CTNNA2: variants seen among roughly 807,000 people sequenced by gnomAD.
CTNNA2 encodes the protein catenin alpha 2.
A neutral mutation model predicts 101.0 loss-of-function variants in CTNNA2; 42 were observed. The observed-to-expected ratio is 0.42, with a 90% confidence interval of 0.32 to 0.54. The LOEUF is 0.54. Ranked by LOEUF, CTNNA2 falls within the 20% of genes least tolerant of loss-of-function variation. CTNNA2 has a pLI of 0.14. For synonymous variants in CTNNA2, 450 were observed against 456.4 expected, an observed-to-expected ratio of 0.99 and a Z score of 0.18; for missense variants, 871 against 1,223.1, an observed-to-expected ratio of 0.71 and a Z score of 4.29.
chr2:80,551,155 T>G (rs1249950873), intron 11 of CTNNA2, among the ~76,000 whole-genome samples: 2 of 152,224 alleles, frequency 1.3e-5, no homozygotes, highest in African/African-American at 4.8e-5. Context: ...AATAACATTT[T>G]GAAAAGAATT....
chr2:79,857,534 A>G (rs1210504920), intron 3 of CTNNA2, among the ~76,000 whole-genome samples: 2 of 152,322 alleles, frequency 1.3e-5, no homozygotes, highest in African/African-American at 4.8e-5. Flanking sequence ...GGGTGCCTCT[A>G]TGATGTGTTC....
chr2:79,614,957 T>G (rs899769785), intron 1 of CTNNA2, among the ~76,000 whole-genome samples: 5 of 152,182 alleles, frequency 3.3e-5, no homozygotes, highest in African/African-American at 1.2e-4. Flanking sequence ...TTCAGGGAAT[T>G]TCAAGGTTTC....
At chr2:80,455,853 T>C (rs943564430) in intron 9 of CTNNA2, among the ~76,000 whole-genome samples, 21 of 152,158 alleles carry the variant, frequency 1.4e-4, no homozygotes, top group African/African-American at 4.8e-4. Context: ...ATAATTTTGT[T>C]CTCAGTGCAC....
rs528912392 is a variant in CTNNA2 at position 79,917,999 on chromosome 2, G to A, written c.1056+8202G>A. Reference sequence around the variant, plus strand: ...ATGGCAGGTCTTCTTGGGCCTTAATGTGCCCAAGGTATGGGATGATTATTC... The same window carrying A: ...ATGGCAGGTCTTCTTGGGCCTTAATATGCCCAAGGTATGGGATGATTATTC... On this transcript the variant is annotated intron_variant, in intron 7 of 18. Coordinates refer to ENST00000402739, the MANE Select transcript of CTNNA2 (RefSeq NM_001282597.3). Among the ~76,000 whole-genome samples the A allele has an allele frequency of 5.9e-5, 9 of 152,284 alleles. No homozygotes were observed. In the East Asian group the frequency reaches 1.7e-3, roughly 29 times the overall value.
chr2:79,477,702 T>C (rs1472466998), intron 4 of CTNNA2, among the ~76,000 whole-genome samples: 2 of 152,188 alleles, frequency 1.3e-5, no homozygotes, highest in African/African-American at 4.8e-5. Context: ...TTACAACCCC[T>C]TCTAGAGTTA....
intron 7 of CTNNA2, among the ~76,000 whole-genome samples, chr2:80,379,297 C>G (rs753468233): frequency 3.3e-5 from 5 of 152,082 alleles, no homozygotes; most frequent in Non-Finnish European, 7.4e-5. Flanking sequence ...CTCAGCTAAC[C>G]TTATTTGATG....
intron 11 of CTNNA2, among the ~76,000 whole-genome samples, chr2:80,551,879 T>C (rs1447873183): frequency 1.3e-5 from 2 of 152,196 alleles, no homozygotes; most frequent in African/African-American, 4.8e-5. Context: ...TCTTGACTTG[T>C]GACATGTCTT....
intron 1 of CTNNA2, among the ~76,000 whole-genome samples, chr2:79,595,459 T>A (rs1353834484): frequency 2.6e-5 from 4 of 152,180 alleles, no homozygotes; most frequent in African/African-American, 9.7e-5. Flanking sequence ...ATTCAGTACA[T>A]CTAAAATTAA....
intron 7 of CTNNA2, among the ~76,000 whole-genome samples, chr2:80,239,926 A>G (rs1273269207): frequency 6.6e-6 from 1 of 152,098 alleles, no homozygotes; most frequent in Non-Finnish European, 1.5e-5. Flanking sequence ...AAAAAAAACA[A>G]AAAACAAAAC....
At chr2:79,424,999 G>A (rs1162109632) in intron 4 of CTNNA2, among the ~76,000 whole-genome samples, 2 of 152,186 alleles carry the variant, frequency 1.3e-5, no homozygotes, top group East Asian at 3.9e-4. Context: ...AACACAATGG[G>A]CAGCTGGTAG....
chr2:80,390,782 A>C (rs773313631), intron 7 of CTNNA2, among the ~76,000 whole-genome samples: 1 of 152,122 alleles, frequency 6.6e-6, no homozygotes, highest in Non-Finnish European at 1.5e-5. Flanking sequence ...TCTTTATTTA[A>C]ATTTTTGATA....
chr2:79,967,789 T>A (rs1690179825), intron 7 of CTNNA2, among the ~76,000 whole-genome samples: 2 of 152,200 alleles, frequency 1.3e-5, no homozygotes, highest in Admixed American at 6.5e-5. Context: ...CACAGTGTTG[T>A]TCACAATAGC....
At chr2:79,954,103 C>G (rs1345758729) in intron 7 of CTNNA2, among the ~76,000 whole-genome samples, 1 of 152,104 alleles carries the variant, frequency 6.6e-6, no homozygotes, top group Admixed American at 6.5e-5. Context: ...AGCAAGGCAC[C>G]TCCTTCACAG....
intron 2 of CTNNA2, among the ~76,000 whole-genome samples, chr2:79,711,874 A>C (rs1479945941): frequency 6.6e-6 from 1 of 152,208 alleles, no homozygotes; most frequent in Non-Finnish European, 1.5e-5. Flanking sequence ...TTTGAATTTC[A>C]TACTAGTTTC....
At chr2:79,523,664 A>G (rs886542575) in intron 1 of CTNNA2, among the ~76,000 whole-genome samples, 5 of 152,196 alleles carry the variant, frequency 3.3e-5, no homozygotes, top group East Asian at 3.8e-4. Context: ...TTAAATTGTA[A>G]TAGTGCCAAA....
intron 18 of CTNNA2, among the ~76,000 whole-genome samples, chr2:80,646,067 A>G (rs1573559923): frequency 6.6e-6 from 1 of 152,132 alleles, no homozygotes; most frequent in African/African-American, 2.4e-5. Context: ...TGTTAGATAC[A>G]ACTTCTGATA....
At chr2:79,757,912 A>G (rs1672503161) in intron 3 of CTNNA2, among the ~76,000 whole-genome samples, 1 of 152,214 alleles carries the variant, frequency 6.6e-6, no homozygotes, top group Admixed American at 6.5e-5. Context: ...GACCTAGCAC[A>G]CCTCAGACTT....
At chr2:79,821,039 A>G (rs1677960801) in intron 3 of CTNNA2, among the ~76,000 whole-genome samples, 1 of 152,182 alleles carries the variant, frequency 6.6e-6, no homozygotes, top group Admixed American at 6.5e-5. Context: ...AAATCTCCTA[A>G]TAATGGCACA....
chr2:79,297,355 G>A (rs1412349275), intron 2 of CTNNA2, among the ~76,000 whole-genome samples: 1 of 152,130 alleles, frequency 6.6e-6, no homozygotes, highest in Non-Finnish European at 1.5e-5. Context: ...TAACTTCAGT[G>A]TCTGACCATC....
Sources: gnomAD v4.1 joint callset for allele counts (sites outside exome capture counted in the v4.1 genomes callset) on GRCh38, gnomAD v4.1.1 for gene constraint, MANE v1.5 for transcripts, NCBI Gene and HGNC (gene_info 2026-07-23, HGNC 2026-07-21) for gene names.